DLG2: variants seen among roughly 807,000 people sequenced by gnomAD.
The protein encoded by DLG2 is discs large MAGUK scaffold protein 2, also known as disks large homolog 2.
A neutral mutation model predicts 132.5 loss-of-function variants in DLG2; 45 were observed. That is an observed-to-expected ratio of 0.34 (90% CI 0.27 to 0.44). The LOEUF is 0.44. DLG2 is among the 20% of genes least tolerant of loss of function. DLG2 has a pLI of 1.00. For synonymous variants in DLG2, 424 were observed against 419.6 expected, an observed-to-expected ratio of 1.01 and a Z score of -0.13; for missense variants, 1,045 against 1,196.9, an observed-to-expected ratio of 0.87 and a Z score of 1.87.
chr11:84,628,130 A>G lies in DLG2; in HGVS notation c.358-93399T>C, dbSNP rs575664772. On this transcript the variant is annotated intron_variant, in intron 6 of 27. Transcript: ENST00000376104. Reference sequence around the variant, plus strand: ...CACATATATATATATATATACACACATATAGATATATATATACCCCCGAGG... The same window carrying G: ...CACATATATATATATATATACACACGTATAGATATATATATACCCCCGAGG... 3.9e-5 allele frequency among the ~76,000 whole-genome samples: 6 copies of G among 152,028 alleles called. No individual in the cohort carries two copies. In the East Asian group the frequency reaches 7.7e-4, roughly 20 times the overall value.
intron 3 of DLG2, among the ~76,000 whole-genome samples, chr11:85,407,613 A>G (rs114623643): frequency 6.6e-6 from 1 of 151,974 alleles, no homozygotes; most frequent in African/African-American, 2.4e-5. Context: ...ATATCACGGG[A>G]GTCACGAAGC....
intron 18 of DLG2, among the ~76,000 whole-genome samples, chr11:83,707,298 C>G (rs1277597969): frequency 6.6e-6 from 1 of 152,154 alleles, no homozygotes; most frequent in African/African-American, 2.4e-5. Context: ...CTGTCTCTGA[C>G]AAGAGTTCCT....
intron 6 of DLG2, among the ~76,000 whole-genome samples, chr11:84,820,764 G>T (rs1214034285): frequency 6.6e-6 from 1 of 150,790 alleles, no homozygotes; most frequent in East Asian, 2.0e-4. Context: ...CCACTCTTCT[G>T]TAAGGAATTA....
intron 5 of DLG2, among the ~76,000 whole-genome samples, chr11:85,119,320 A>G (rs918046857): frequency 6.6e-6 from 1 of 152,018 alleles, no homozygotes; most frequent in Non-Finnish European, 1.5e-5. Flanking sequence ...ATGGTATTTT[A>G]GTATTTTATG....
At chr11:85,263,589 A>G (rs1158181121) in intron 4 of DLG2, among the ~76,000 whole-genome samples, 1 of 152,170 alleles carries the variant, frequency 6.6e-6, no homozygotes, top group African/African-American at 2.4e-5. Context: ...TGCCAGAGGG[A>G]TACTAAATAT....
chr11:83,821,163 A>T (rs1232676621), intron 17 of DLG2, among the ~76,000 whole-genome samples: 1 of 152,186 alleles, frequency 6.6e-6, no homozygotes, highest in East Asian at 1.9e-4. Flanking sequence ...CTCATAACTC[A>T]TGATATCTGC....
At chr11:84,914,132 A>G (rs188878939) in intron 6 of DLG2, among the ~76,000 whole-genome samples, 46 of 152,354 alleles carry the variant, frequency 3.0e-4, no homozygotes, top group African/African-American at 1.1e-3. Context: ...AATAAATTTA[A>G]AAACTCAAAA....
chr11:84,493,463 C>T (rs1328660246), intron 7 of DLG2, among the ~76,000 whole-genome samples: 1 of 152,090 alleles, frequency 6.6e-6, no homozygotes, highest in Non-Finnish European at 1.5e-5. Context: ...TCCTCTCCAA[C>T]CAGCCCCTGC....
At chr11:84,015,396 C>T (rs1220581617) in intron 11 of DLG2, among the ~76,000 whole-genome samples, 1 of 152,058 alleles carries the variant, frequency 6.6e-6, no homozygotes, top group Non-Finnish European at 1.5e-5. Flanking sequence ...ATTTTAAGTT[C>T]AGGGGTACAT....
intron 21 of DLG2, among the ~76,000 whole-genome samples, chr11:83,498,628 C>T (rs1233664218): frequency 2.0e-5 from 3 of 150,228 alleles, no homozygotes; most frequent in Non-Finnish European, 4.4e-5. Context: ...TAATCTTCTA[C>T]CTGAAGATAC....
intron 3 of DLG2, among the ~76,000 whole-genome samples, chr11:85,412,351 C>T (rs576819382): frequency 6.6e-6 from 1 of 151,854 alleles, no homozygotes; most frequent in South Asian, 2.1e-4. Context: ...GGAGGTAAGA[C>T]AGAGGAACCT....
At chr11:85,210,231 A>T (rs1179976391) in intron 4 of DLG2, among the ~76,000 whole-genome samples, 1 of 152,170 alleles carries the variant, frequency 6.6e-6, no homozygotes, top group Admixed American at 6.5e-5. Context: ...CTTAGGATAT[A>T]GGAGGCAGGT....
intron 6 of DLG2, among the ~76,000 whole-genome samples, chr11:84,681,416 GATCA>G (rs1395397194): frequency 2.0e-5 from 3 of 152,176 alleles, no homozygotes; most frequent in Non-Finnish European, 4.4e-5. Context: ...TACTAACCCA[GATCA>G]ATCTAGCTGG....
At chr11:83,810,644 T>C (rs953688388) in intron 17 of DLG2, among the ~76,000 whole-genome samples, 1 of 152,110 alleles carries the variant, frequency 6.6e-6, no homozygotes, top group Admixed American at 6.5e-5. Context: ...TGTGATTCTA[T>C]CTTGTGGTTT....
At chr11:85,077,595 C>T (rs914772464) in intron 6 of DLG2, among the ~76,000 whole-genome samples, 18 of 151,578 alleles carry the variant, frequency 1.2e-4, no homozygotes, top group African/African-American at 4.1e-4. Context: ...AATATTAATG[C>T]AAATCTATAG....
At chr11:85,102,491 C>T (rs1447382584) in intron 6 of DLG2, among the ~76,000 whole-genome samples, 3 of 151,878 alleles carry the variant, frequency 2.0e-5, no homozygotes. Flanking sequence ...TAGAAAAGGG[C>T]TTCTTAATAT....
chr11:84,785,457 T>A (rs1390862119), intron 6 of DLG2, among the ~76,000 whole-genome samples: 1 of 152,116 alleles, frequency 6.6e-6, no homozygotes, highest in Non-Finnish European at 1.5e-5. Flanking sequence ...ATTGTCTTTT[T>A]ATGATGTTGT....
At chr11:84,645,007 C>A (rs1036398046) in intron 6 of DLG2, among the ~76,000 whole-genome samples, 2 of 152,122 alleles carry the variant, frequency 1.3e-5, no homozygotes, top group African/African-American at 4.8e-5. Flanking sequence ...TGTACCCCTG[C>A]AGAGTTGCAT....
intron 5 of DLG2, among the ~76,000 whole-genome samples, chr11:85,113,409 A>C (rs1450103013): frequency 6.6e-6 from 1 of 152,056 alleles, no homozygotes; most frequent in Non-Finnish European, 1.5e-5. Flanking sequence ...TGCGGTGCTC[A>C]GCATGGGATA....
Sources: gnomAD v4.1 joint callset for allele counts (sites outside exome capture counted in the v4.1 genomes callset) on GRCh38, gnomAD v4.1.1 for gene constraint, MANE v1.5 for transcripts, NCBI Gene and HGNC (gene_info 2026-07-23, HGNC 2026-07-21) for gene names.